Variants in LRMDA observed in about 807,000 individuals in gnomAD.
The protein encoded by LRMDA is leucine rich melanocyte differentiation associated, also known as leucine-rich melanocyte differentiation-associated protein.
LRMDA carries 18 observed loss-of-function variants against 29.8 expected under a neutral mutation model. That is an observed-to-expected ratio of 0.60 (90% CI 0.42 to 0.90). LRMDA has a LOEUF of 0.90. Among genes scored for constraint, LRMDA ranks in the 40% least tolerant of loss-of-function variants. The pLI is 0.00. For missense variants in LRMDA, 273 were observed against 273.9 expected (o/e 1.00, Z 0.02); for synonymous variants, 125 against 109.4 (o/e 1.14, Z -0.89).
chr10:76,158,125 C>G (rs941651082), intron 5 of LRMDA, among the ~76,000 whole-genome samples: 2 of 152,006 alleles, frequency 1.3e-5, no homozygotes, highest in African/African-American at 4.8e-5. Flanking sequence ...CTATGATGGC[C>G]TCAGAGCCAT....
intron 2 of LRMDA, among the ~76,000 whole-genome samples, chr10:76,001,743 A>G (rs575660472): frequency 6.6e-6 from 1 of 152,180 alleles, no homozygotes; most frequent in Non-Finnish European, 1.5e-5. Context: ...ATTGGCCTTT[A>G]ATGAGTTTAG....
At chr10:76,256,680 A>G (rs1852600023) in intron 5 of LRMDA, among the ~76,000 whole-genome samples, 1 of 152,234 alleles carries the variant, frequency 6.6e-6, no homozygotes, top group Admixed American at 6.5e-5. Context: ...AGTAATTGCC[A>G]GGAGTTCTGT....
chr10:75,525,592 C>CTTTTTTTTTTTTT (rs11415547), intron 2 of LRMDA, among the ~76,000 whole-genome samples: 14 of 129,698 alleles, frequency 1.1e-4, no homozygotes, highest in East Asian at 2.2e-4. Flanking sequence ...TTCTTTCTTT[C>CTTTTTTTTTTTTT]TTTTTTTTTT....
chr10:76,371,482 A>G (rs1358245181), intron 6 of LRMDA, among the ~76,000 whole-genome samples: 1 of 152,026 alleles, frequency 6.6e-6, no homozygotes, highest in Non-Finnish European at 1.5e-5. Flanking sequence ...CTGGAATCAT[A>G]TCCTAGCTAG....
intron 2 of LRMDA, among the ~76,000 whole-genome samples, chr10:75,571,794 G>A (rs954069433): frequency 6.6e-6 from 1 of 152,092 alleles, no homozygotes; most frequent in Non-Finnish European, 1.5e-5. Flanking sequence ...GCACACTGAG[G>A]GTGGGAGAGG....
intron 5 of LRMDA, among the ~76,000 whole-genome samples, chr10:76,155,415 A>AG (rs1850519919): frequency 6.6e-6 from 1 of 152,198 alleles, no homozygotes; most frequent in South Asian, 2.1e-4. Context: ...CCTAAGAGGA[A>AG]GGATCATTAA....
At chr10:75,916,517 G>T (rs954081330) in intron 2 of LRMDA, among the ~76,000 whole-genome samples, 2 of 152,132 alleles carry the variant, frequency 1.3e-5, no homozygotes, top group Non-Finnish European at 2.9e-5. Flanking sequence ...AGTCAGACCT[G>T]CCATAAGGCC....
chr10:76,265,586 G>A (rs1330707590), intron 5 of LRMDA, among the ~76,000 whole-genome samples: 2 of 152,156 alleles, frequency 1.3e-5, no homozygotes, highest in Non-Finnish European at 1.5e-5. Flanking sequence ...AAGCACAGGC[G>A]AGGCTTGGTA....
At chr10:75,538,322 C>G (rs1187255636) in intron 2 of LRMDA, among the ~76,000 whole-genome samples, 1 of 152,192 alleles carries the variant, frequency 6.6e-6, no homozygotes, top group Non-Finnish European at 1.5e-5. Context: ...CGAGTCCCTG[C>G]AGCAGTACTT....
intron 2 of LRMDA, among the ~76,000 whole-genome samples, chr10:75,746,784 A>C (rs1193836272): frequency 6.6e-6 from 1 of 152,200 alleles, no homozygotes. Flanking sequence ...CAATTAGGAC[A>C]CATCCTAAAG....
chr10:76,525,191 AT>A (rs1439546168), intron 6 of LRMDA, among the ~76,000 whole-genome samples: 1 of 152,182 alleles, frequency 6.6e-6, no homozygotes, highest in Non-Finnish European at 1.5e-5. Flanking sequence ...GTGTTAAATA[AT>A]TTTGTTAAAA....
chr10:76,415,051 C>T (rs1400225059), intron 6 of LRMDA, among the ~76,000 whole-genome samples: 1 of 152,256 alleles, frequency 6.6e-6, no homozygotes, highest in Admixed American at 6.5e-5. Context: ...CATCCAGGCC[C>T]TTCCCTCTTG....
intron 6 of LRMDA, among the ~76,000 whole-genome samples, chr10:76,413,865 G>T (rs759081052): frequency 6.6e-6 from 1 of 152,088 alleles, no homozygotes; most frequent in Non-Finnish European, 1.5e-5. Context: ...CACTTGCCTG[G>T]TAAAGAAAAT....
chr10:76,063,570 G>T (rs192755255), intron 5 of LRMDA, among the ~76,000 whole-genome samples: 1 of 152,240 alleles, frequency 6.6e-6, no homozygotes, highest in East Asian at 1.9e-4. Context: ...TTGTGTATGT[G>T]TGTGTGTGCA....
At chr10:75,786,238 T>C (rs1843470758) in intron 2 of LRMDA, among the ~76,000 whole-genome samples, 1 of 152,150 alleles carries the variant, frequency 6.6e-6, no homozygotes, top group African/African-American at 2.4e-5. Flanking sequence ...AAAGTGTGGG[T>C]TTCCATCAAT....
chr10:76,082,999 A>G (rs1849072558), intron 5 of LRMDA, among the ~76,000 whole-genome samples: 1 of 152,224 alleles, frequency 6.6e-6, no homozygotes, highest in Non-Finnish European at 1.5e-5. Context: ...CTGAGCAACA[A>G]TTAGAAGCAG....
chr10:75,731,939 A>G (rs1842704207), intron 2 of LRMDA, among the ~76,000 whole-genome samples: 1 of 152,248 alleles, frequency 6.6e-6, no homozygotes, highest in Non-Finnish European at 1.5e-5. Context: ...CATTTTGCCA[A>G]GTGCTATAGA....
intron 6 of LRMDA, among the ~76,000 whole-genome samples, chr10:76,400,098 T>C (rs968895868): frequency 6.6e-6 from 1 of 152,206 alleles, no homozygotes; most frequent in African/African-American, 2.4e-5. Context: ...ACTTCTGCCT[T>C]AGTAGAAAAC....
intron 2 of LRMDA, among the ~76,000 whole-genome samples, chr10:75,477,110 C>T (rs1383598927): frequency 2.0e-5 from 3 of 152,058 alleles, no homozygotes; most frequent in African/African-American, 7.2e-5. Flanking sequence ...CCCACCTCAG[C>T]TTCCCAAGTA....
Sources: gnomAD v4.1 joint callset for allele counts (sites outside exome capture counted in the v4.1 genomes callset) on GRCh38, gnomAD v4.1.1 for gene constraint, MANE v1.5 for transcripts, NCBI Gene and HGNC (gene_info 2026-07-23, HGNC 2026-07-21) for gene names.